DENND5B: variants seen among roughly 807,000 people sequenced by gnomAD.
The protein encoded by DENND5B is DENN domain-containing protein 5B.
A neutral mutation model predicts 140.6 loss-of-function variants in DENND5B; 34 were observed. The ratio of observed to expected loss-of-function variants is 0.24; its 90% confidence interval spans 0.18 to 0.32. The LOEUF (loss-of-function observed/expected upper bound fraction) is 0.32. Ranked by LOEUF, DENND5B falls within the 10% of genes least tolerant of loss-of-function variation. The probability of loss-of-function intolerance (pLI) is 1.00; values close to 1 mark genes in which losing one functional copy is unlikely to be tolerated. For synonymous variants in DENND5B, 551 were observed against 562.1 expected, an observed-to-expected ratio of 0.98 and a Z score of 0.28; for missense variants, 1,142 against 1,560.2, an observed-to-expected ratio of 0.73 and a Z score of 4.52.
At chr12:31,446,288 A>G (rs1944272524) in intron 6 of DENND5B, among the ~76,000 whole-genome samples, 1 of 151,914 alleles carries the variant, frequency 6.6e-6, no homozygotes, top group Non-Finnish European at 1.5e-5. Flanking sequence ...AGCTGGGATT[A>G]CAGGCGCATG....
chr12:31,488,271 G>A (rs1946388890), intron 2 of DENND5B, among the ~76,000 whole-genome samples: 1 of 151,884 alleles, frequency 6.6e-6, no homozygotes, highest in African/African-American at 2.4e-5. Flanking sequence ...CACAGTGCCT[G>A]GACTTCAGCT....
At position 31,460,295 on chromosome 12, in the gene DENND5B, G is replaced by C. The variant is rs1340137868; in HGVS notation, c.991C>G (p.Pro331Ala). ...TCAAGAAAATGTAGCAGAGAAGCAG[G>C]TAGAATGGGCACATAAACATGTTGC... ...QWQHVYVPIL[P>A]ASLLHFLDAP... The change falls in exon 4 of 21, where the codon CCT becomes GCT. Residue 331 changes from proline to alanine, a missense_variant. Physicochemically the swap from Pro to Ala is conservative, Grantham distance 27 (BLOSUM62 -1). Coordinates refer to ENST00000389082, the MANE Select transcript of DENND5B (RefSeq NM_144973.4). 1 of 1,613,954 alleles carries C rather than the reference G, an allele frequency of 6.2e-7. No homozygotes were observed. The highest frequency in any genetic ancestry group is 1.1e-5 in the South Asian group (1 of 91,076).
chr12:31,409,113 A>T, intron 14 of DENND5B, 150 bp downstream of exon 14: 1 of 854,156 alleles, frequency 1.2e-6, no homozygotes, highest in Admixed American at 3.7e-5. Flanking sequence ...CACTCTTAGC[A>T]TTTGGGGAAT....
At chr12:31,392,547 C>T (rs1941203274) in intron 18 of DENND5B, 67 bp downstream of exon 18, 1 of 1,522,702 alleles carries the variant, frequency 6.6e-7, no homozygotes, top group South Asian at 1.3e-5. Context: ...CCCATATTGC[C>T]TCGTGTATCA....
At position 31,578,949 on chromosome 12, in the gene DENND5B, A is replaced by G. The variant is rs554639366; in HGVS notation, c.127+11757T>C. Among the ~76,000 whole-genome samples, 25 of 152,318 alleles carry G rather than the reference A, an allele frequency of 1.6e-4. No individual in the cohort carries two copies. In the East Asian group the frequency reaches 4.2e-3, roughly 26 times the overall value. ...AATTAGCGTTTATAAATCACCAACC[A>G]CAGTTCATGCCTCATAAATGTTAGC... is the stretch of plus-strand genomic sequence containing the variant. On this transcript the variant is annotated intron_variant, in intron 1 of 20. Transcript: ENST00000389082.
intron 1 of DENND5B, among the ~76,000 whole-genome samples, chr12:31,580,379 G>A (rs1439411927): frequency 6.6e-6 from 1 of 152,090 alleles, no homozygotes; most frequent in Non-Finnish European, 1.5e-5. Flanking sequence ...CCTTCACAAA[G>A]CTGTTAGATA....
At chr12:31,508,637 G>A (rs186790971) in intron 1 of DENND5B, among the ~76,000 whole-genome samples, 350 of 152,308 alleles carry the variant, frequency 2.3e-3, no homozygotes, top group Non-Finnish European at 3.6e-3. Context: ...GTTGTTGGAA[G>A]CTTAAAATGG....
At chr12:31,495,413 C>A (rs142707507) in intron 2 of DENND5B, among the ~76,000 whole-genome samples, 13,732 of 104,650 alleles carry the variant, frequency 0.13, 971 homozygotes, top group East Asian at 0.32. Context: ...GAGTCTCGCT[C>A]TGTTGCCCAG....
intron 4 of DENND5B, among the ~76,000 whole-genome samples, chr12:31,456,981 G>A (rs1944805051): frequency 6.6e-6 from 1 of 152,144 alleles, no homozygotes; most frequent in Non-Finnish European, 1.5e-5. Flanking sequence ...CTACTCATGA[G>A]GCTGAGGTGG....
intron 1 of DENND5B, among the ~76,000 whole-genome samples, chr12:31,576,881 AGAGT>A (rs746265655): frequency 7.2e-6 from 1 of 138,850 alleles, no homozygotes; most frequent in Non-Finnish European, 1.5e-5. Context: ...CCTGGGCAGC[AGAGT>A]GAGACCTTAT....
At chr12:31,480,969 C>T (rs1591885045) in intron 2 of DENND5B, among the ~76,000 whole-genome samples, 2 of 152,098 alleles carry the variant, frequency 1.3e-5, no homozygotes, top group East Asian at 1.9e-4. Context: ...CCCAGAGGAG[C>T]TAAAGATGCT....
intron 7 of DENND5B, among the ~76,000 whole-genome samples, chr12:31,441,476 C>G (rs909440368): frequency 1.3e-5 from 2 of 151,910 alleles, no homozygotes; most frequent in African/African-American, 4.8e-5. Context: ...GCGTGAGCCA[C>G]CGTGCCTGGC....
At chr12:31,539,362 A>G (rs372747717) in intron 1 of DENND5B, among the ~76,000 whole-genome samples, 1 of 152,340 alleles carries the variant, frequency 6.6e-6, no homozygotes. Flanking sequence ...GGAGGAGGGA[A>G]TAATTCCAAA....
Position 31,383,960 on chromosome 12 carries a change from G to GA in DENND5B, c.*3642dup, listed in dbSNP as rs1406423564. 1 of 151,824 alleles carries GA rather than the reference G, an allele frequency of 6.6e-6. No homozygotes were observed. Among genetic ancestry groups the GA allele is most frequent in the Non-Finnish European group, 1.5e-5 (1 of 67,986 alleles). The allele number at this position is 151,824 out of a possible 1,614,324, so 9.4% of individuals were successfully genotyped here. On this transcript the variant is annotated 3_prime_UTR_variant, in exon 21 of 21. Coordinates refer to ENST00000389082, the MANE Select transcript of DENND5B (RefSeq NM_144973.4). ...GTCCCAGCATTTAATTTATTTGCAG[G>GA]AAAAAAACAAATTAAATATTGATTT...
chr12:31,384,300 G>A lies in DENND5B; in HGVS notation c.*3303C>T, dbSNP rs1940755148. On this transcript the variant is annotated 3_prime_UTR_variant, in exon 21 of 21. Transcript: ENST00000389082. The stretch of plus-strand genomic sequence containing the variant: ...GGCTTCCCAAGCAGCTGGGACTACA[G>A]GTGTGTACTGCCATGCCCAACATGT... The A allele has an allele frequency of 6.6e-6, 1 of 152,178 alleles. No individual in the cohort carries two copies. The highest frequency in any genetic ancestry group is 2.4e-5 in the African/African-American group (1 of 41,436). 9.4% of individuals were successfully genotyped at this position (152,178 alleles called of 1,614,324 possible). A position where few individuals can be genotyped will look rare whatever the true frequency, so the allele number is the denominator to read the frequency against.
At chr12:31,557,410 G>A (rs961141608) in intron 1 of DENND5B, among the ~76,000 whole-genome samples, 54 of 151,634 alleles carry the variant, frequency 3.6e-4, no homozygotes, top group Middle Eastern at 3.4e-3. Flanking sequence ...ACAGGGTCTC[G>A]CTCTGTCACC....
At chr12:31,397,930 TAA>T (rs1651669876) in intron 17 of DENND5B, among the ~76,000 whole-genome samples, 3 of 152,152 alleles carry the variant, frequency 2.0e-5, no homozygotes, top group African/African-American at 7.2e-5. Flanking sequence ...TCTCAAAAAA[TAA>T]AAGTTTCAGG....
At chr12:31,535,539 T>C (rs983821046) in intron 1 of DENND5B, among the ~76,000 whole-genome samples, 2 of 152,156 alleles carry the variant, frequency 1.3e-5, no homozygotes, top group East Asian at 3.8e-4. Context: ...CCAGGTCTTA[T>C]CCGAAACTAC....
Position 31,587,317 on chromosome 12 carries a change from T to C in DENND5B, c.127+3389A>G, listed in dbSNP as rs375716388. 2.1e-4 allele frequency among the ~76,000 whole-genome samples: 32 copies of C among 152,288 alleles called. No homozygotes were observed. The South Asian group carries it at 6.6e-3, about 32-fold the overall frequency. ...GTCTGATTCTCCATCAGTCTTCCTA[T>C]TTCAGGAGAGAAGTTTATAATTGTT... On this transcript the variant is annotated intron_variant, in intron 1 of 20. Coordinates refer to ENST00000389082, the MANE Select transcript of DENND5B (RefSeq NM_144973.4).
Sources: allele counts gnomAD v4.1 joint callset (sites outside exome capture counted in the v4.1 genomes callset), GRCh38; gene constraint gnomAD v4.1.1; transcripts MANE v1.5; gene names NCBI Gene and HGNC (gene_info 2026-07-23, HGNC 2026-07-21).